Variants in CT45A1 observed in about 807,000 individuals in gnomAD.
The protein encoded by CT45A1 is cancer/testis antigen 45-1.
At chrX:135,717,512 C>A (rs1457168277) in intron 1 of CT45A1, among the ~76,000 whole-genome samples, 2 of 109,614 alleles carry the variant, frequency 1.8e-5, no homozygotes, top group Non-Finnish European at 1.9e-5. Flanking sequence ...CTGTGCCACT[C>A]TACTCCAGCC....
chrX:135,714,667 C>T (rs1372213723), intron 1 of CT45A1, among the ~76,000 whole-genome samples: 1 of 110,714 alleles, frequency 9.0e-6, no homozygotes, highest in Non-Finnish European at 1.9e-5. Context: ...GATGGGTGTG[C>T]AGTGATCTCT....
chrX:135,712,687 G>A (rs1556569920), upstream of CT45A1, among the ~76,000 whole-genome samples: 1 of 108,939 alleles, frequency 9.2e-6, no homozygotes, highest in Admixed American at 9.8e-5. Flanking sequence ...CGCGCCCCAC[G>A]CCCGGTTAAT....
chrX:135,712,179 CTTTTTT>C (rs782572662), upstream of CT45A1, among the ~76,000 whole-genome samples: 2 of 48,424 alleles, frequency 4.1e-5, no homozygotes, highest in African/African-American at 8.7e-5. Flanking sequence ...TTTTTTCTTT[CTTTTTT>C]TTTTTTTTTT....
At chrX:135,717,653 G>A (rs782658835) in intron 1 of CT45A1, among the ~76,000 whole-genome samples, 21 of 112,001 alleles carry the variant, frequency 1.9e-4, no homozygotes, top group Middle Eastern at 4.6e-3. Context: ...GTGTAGTGCT[G>A]TACCACATCT....
chrX:135,709,189 G>A (rs782532443), upstream of CT45A1, among the ~76,000 whole-genome samples: 12 of 112,359 alleles, frequency 1.1e-4, no homozygotes, highest in African/African-American at 3.6e-4. Flanking sequence ...TTTATGGTCC[G>A]ATCTCGGCTC....
chrX:135,712,615 C>T (rs1485136108), upstream of CT45A1, among the ~76,000 whole-genome samples: 2 of 110,703 alleles, frequency 1.8e-5, no homozygotes, highest in African/African-American at 6.6e-5. Flanking sequence ...TGCAACCTCA[C>T]TTCCCCAGTT....
upstream of CT45A1, among the ~76,000 whole-genome samples, chrX:135,712,243 G>C (rs1340597962): frequency 1.4e-5 from 1 of 74,039 alleles, no homozygotes; most frequent in East Asian, 5.2e-4. Context: ...TGCGATCAAA[G>C]CTCAATGCAG....
At position 135,714,062 on chromosome X, in the gene CT45A1, G is replaced by A. The variant is rs567010483; in HGVS notation, c.-7+372G>A. Reference sequence around the variant, plus strand: ...GGTGCTGTTTCTTTCCCACTCAGTCGCAGTCCTGAGCGGGGGCTCTGCCTT... The same window carrying A: ...GGTGCTGTTTCTTTCCCACTCAGTCACAGTCCTGAGCGGGGGCTCTGCCTT... On this transcript the variant is annotated intron_variant, in intron 1 of 4. Transcript: ENST00000594565. Among the ~76,000 whole-genome samples, 78 of 107,386 alleles carry A rather than the reference G, an allele frequency of 7.3e-4. No homozygotes were observed. In the South Asian group the frequency reaches 0.026, roughly 36 times the overall value. The allele number at this position is 107,386 out of a possible 115,157, so 93.3% of individuals were successfully genotyped here.
intron 1 of CT45A1, among the ~76,000 whole-genome samples, chrX:135,715,570 T>C (rs1474318671): frequency 1.1e-5 from 1 of 89,642 alleles, no homozygotes; most frequent in East Asian, 3.3e-4. Flanking sequence ...ATAATACTTA[T>C]ATATATAATA....
chrX:135,717,412 T>C (rs1401040635), intron 1 of CT45A1, among the ~76,000 whole-genome samples: 1 of 110,479 alleles, frequency 9.1e-6, no homozygotes, highest in Non-Finnish European at 1.9e-5. Context: ...AGCCAGGCGT[T>C]GTGGCAGGCG....
chrX:135,715,530 A>G (rs1445004033), intron 1 of CT45A1, among the ~76,000 whole-genome samples: 3 of 85,891 alleles, frequency 3.5e-5, no homozygotes, highest in Admixed American at 1.6e-4. Flanking sequence ...TTATAGGTAT[A>G]TAATACTTAT....
chrX:135,711,263 A>C (rs143364415), upstream of CT45A1, among the ~76,000 whole-genome samples: 181 of 111,785 alleles, frequency 1.6e-3, 3 homozygotes, highest in East Asian at 0.041. Context: ...CCTACATCGA[A>C]GTGAAAACAA....
intron 1 of CT45A1, among the ~76,000 whole-genome samples, chrX:135,718,154 T>A (rs1262554090): frequency 4.5e-5 from 5 of 112,058 alleles, no homozygotes; most frequent in African/African-American, 9.7e-5. Flanking sequence ...GATCATGTGG[T>A]GTTTCCCTGT....
chrX:135,710,538 TG>T (rs1569518540), upstream of CT45A1, among the ~76,000 whole-genome samples: 3 of 111,707 alleles, frequency 2.7e-5, no homozygotes, highest in African/African-American at 9.8e-5. Flanking sequence ...GGTGCTAAAT[TG>T]GGGGCTTAGT....
At chrX:135,710,759 C>G (rs1351386289), upstream of CT45A1, among the ~76,000 whole-genome samples, 1 of 112,685 alleles carries the variant, frequency 8.9e-6, no homozygotes, top group Non-Finnish European at 1.9e-5. Flanking sequence ...TTATTAAATT[C>G]TGCTCTGCTG....
At chrX:135,713,279 C>T (rs2087950242), upstream of CT45A1, among the ~76,000 whole-genome samples, 1 of 104,648 alleles carries the variant, frequency 9.6e-6, no homozygotes, top group Admixed American at 1.0e-4. Flanking sequence ...GTTACCCAGG[C>T]GATTTCATCC....
chrX:135,713,873 G>T (rs782227155), intron 1 of CT45A1, among the ~76,000 whole-genome samples, 183 bp downstream of exon 1: 1 of 110,073 alleles, frequency 9.1e-6, no homozygotes, highest in African/African-American at 3.3e-5. Flanking sequence ...TGTGTCAGCC[G>T]CGGGGGAGCG....
chrX:135,709,713 G>A (rs1451462457), upstream of CT45A1, among the ~76,000 whole-genome samples: 1 of 111,563 alleles, frequency 9.0e-6, no homozygotes, highest in Non-Finnish European at 1.9e-5. Context: ...GACTCCAAAA[G>A]GGAAGTGGAG....
chrX:135,714,170 G>A (rs868955818), intron 1 of CT45A1, among the ~76,000 whole-genome samples: 3 of 109,611 alleles, frequency 2.7e-5, no homozygotes, highest in East Asian at 2.9e-4. Flanking sequence ...GATCGCTGAC[G>A]GGGGCTTTAT....
Sources: allele counts gnomAD v4.1 joint callset (sites outside exome capture counted in the v4.1 genomes callset), GRCh38; gene constraint gnomAD v4.1.1; transcripts MANE v1.5; gene names NCBI Gene and HGNC (gene_info 2026-07-23, HGNC 2026-07-21).